GPC5: variants seen among roughly 807,000 people sequenced by gnomAD.
GPC5 encodes glypican-5.
A neutral mutation model predicts 53.9 loss-of-function variants in GPC5; 47 were observed. The observed-to-expected ratio is 0.87, with a 90% CI of 0.69 to 1.11. GPC5 has a LOEUF of 1.11. Among genes scored for constraint, GPC5 ranks in the 50% most tolerant of loss-of-function variants. The pLI is 0.00. For missense variants in GPC5, 748 were observed against 713.1 expected, an observed-to-expected ratio of 1.05 and a Z score of -0.56; for synonymous variants, 286 against 263.3, an observed-to-expected ratio of 1.09 and a Z score of -0.84.
chr13:91,847,546 T>C (rs565111814), intron 5 of GPC5, among the ~76,000 whole-genome samples: 3 of 152,298 alleles, frequency 2.0e-5, no homozygotes, highest in Non-Finnish European at 4.4e-5. Flanking sequence ...GTGTTCCTTT[T>C]CCACAAGACT....
chr13:92,506,386 G>T (rs1880369299), intron 7 of GPC5, among the ~76,000 whole-genome samples: 1 of 151,710 alleles, frequency 6.6e-6, no homozygotes, highest in Non-Finnish European at 1.5e-5. Context: ...AAAAACTAAG[G>T]CCAGTTTAAA....
At chr13:91,750,229 A>AT (rs1261156499) in intron 4 of GPC5, among the ~76,000 whole-genome samples, 10 of 152,244 alleles carry the variant, frequency 6.6e-5, no homozygotes, top group African/African-American at 2.4e-4. Flanking sequence ...TGGTCCAGAC[A>AT]TAGAGGCTTT....
At chr13:92,301,749 A>G (rs1021489424) in intron 7 of GPC5, among the ~76,000 whole-genome samples, 5 of 151,968 alleles carry the variant, frequency 3.3e-5, no homozygotes, top group Non-Finnish European at 7.4e-5. Flanking sequence ...AAATCAGTAA[A>G]AGAAAAAATC....
intron 7 of GPC5, among the ~76,000 whole-genome samples, chr13:92,474,633 G>C (rs1879034471): frequency 6.7e-6 from 1 of 149,134 alleles, no homozygotes; most frequent in South Asian, 2.1e-4. Flanking sequence ...AGTTGTGATG[G>C]TTAAAAAAAA....
At chr13:92,699,477 ATTTG>A (rs1416808463) in intron 7 of GPC5, among the ~76,000 whole-genome samples, 5 of 151,702 alleles carry the variant, frequency 3.3e-5, no homozygotes, top group Non-Finnish European at 4.4e-5. Context: ...TAGCTTTTGA[ATTTG>A]TTTGTTCCTG....
At chr13:91,736,796 A>T (rs1412023899) in intron 4 of GPC5, among the ~76,000 whole-genome samples, 1 of 151,372 alleles carries the variant, frequency 6.6e-6, no homozygotes, top group Non-Finnish European at 1.5e-5. Context: ...TTTGTGATTC[A>T]TGAATGAGAG....
chr13:92,149,215 A>T (rs954699185), intron 7 of GPC5, among the ~76,000 whole-genome samples: 2 of 151,970 alleles, frequency 1.3e-5, no homozygotes, highest in African/African-American at 4.8e-5. Context: ...TTCAGTTCTC[A>T]AACCTTTTAT....
At chr13:91,940,571 C>T (rs949876388) in intron 6 of GPC5, among the ~76,000 whole-genome samples, 2 of 152,118 alleles carry the variant, frequency 1.3e-5, no homozygotes, top group Non-Finnish European at 2.9e-5. Flanking sequence ...AAACTCCAAA[C>T]TGCTTTCTAC....
intron 7 of GPC5, among the ~76,000 whole-genome samples, chr13:92,365,121 T>C (rs2043597619): frequency 6.6e-6 from 1 of 151,758 alleles, no homozygotes; most frequent in African/African-American, 2.4e-5. Context: ...GTTTTGTCAC[T>C]GTGTGAACAG....
At chr13:91,790,111 G>A (rs1000253972) in intron 5 of GPC5, among the ~76,000 whole-genome samples, 3 of 152,170 alleles carry the variant, frequency 2.0e-5, no homozygotes, top group Admixed American at 6.5e-5. Flanking sequence ...GAGTTGTGGT[G>A]AGGACAAACC....
intron 5 of GPC5, among the ~76,000 whole-genome samples, chr13:91,784,997 C>T (rs748790616): frequency 5.3e-5 from 8 of 152,184 alleles, no homozygotes; most frequent in Non-Finnish European, 1.0e-4. Flanking sequence ...GATCTAGCAG[C>T]AGCATTTGAC....
chr13:91,507,832 A>G (rs1009506906), intron 2 of GPC5, among the ~76,000 whole-genome samples: 2 of 152,234 alleles, frequency 1.3e-5, no homozygotes, highest in South Asian at 4.1e-4. Flanking sequence ...GTGAAATTAT[A>G]TCATATATAC....
intron 7 of GPC5, among the ~76,000 whole-genome samples, chr13:92,790,392 G>A (rs530249378): frequency 6.6e-6 from 1 of 152,266 alleles, no homozygotes; most frequent in Admixed American, 6.5e-5. Flanking sequence ...AAAGGTCAAA[G>A]CAGAGGCAAC....
intron 7 of GPC5, among the ~76,000 whole-genome samples, chr13:92,734,974 C>A (rs1888900344): frequency 6.6e-6 from 1 of 151,820 alleles, no homozygotes; most frequent in Non-Finnish European, 1.5e-5. Flanking sequence ...AATAACATAA[C>A]ATATTTGAAT....
At chr13:91,531,512 G>C (rs893553983) in intron 2 of GPC5, among the ~76,000 whole-genome samples, 30 of 152,240 alleles carry the variant, frequency 2.0e-4, no homozygotes, top group African/African-American at 6.5e-4. Context: ...TTTGAAAGCT[G>C]TAAGTAGCCC....
At chr13:92,559,791 T>G (rs1882635298) in intron 7 of GPC5, among the ~76,000 whole-genome samples, 1 of 151,540 alleles carries the variant, frequency 6.6e-6, no homozygotes, top group South Asian at 2.1e-4. Flanking sequence ...TGGTCCCATT[T>G]GGTATCTCAT....
At chr13:92,412,793 T>C (rs1307881133) in intron 7 of GPC5, among the ~76,000 whole-genome samples, 4 of 152,164 alleles carry the variant, frequency 2.6e-5, no homozygotes, top group East Asian at 3.9e-4. Flanking sequence ...TCTACTGAAA[T>C]ATCGATGTGT....
intron 1 of GPC5, among the ~76,000 whole-genome samples, chr13:91,447,356 CT>C (rs1377028375): frequency 6.8e-6 from 1 of 146,614 alleles, no homozygotes; most frequent in Non-Finnish European, 1.5e-5. Flanking sequence ...AATAATTTTA[CT>C]GTTTGAAGTA....
At chr13:92,596,655 G>A (rs1172521395) in intron 7 of GPC5, among the ~76,000 whole-genome samples, 1 of 152,022 alleles carries the variant, frequency 6.6e-6, no homozygotes, top group East Asian at 1.9e-4. Context: ...TGTATTGTTA[G>A]TGGAGATGGG....
Sources: gnomAD v4.1 joint callset for allele counts (sites outside exome capture counted in the v4.1 genomes callset) on GRCh38, gnomAD v4.1.1 for gene constraint, MANE v1.5 for transcripts, NCBI Gene and HGNC (gene_info 2026-07-23, HGNC 2026-07-21) for gene names.